The following STK24 variants were observed in gnomAD, a reference collection of about 807,000 sequenced individuals.
STK24 encodes the protein serine/threonine-protein kinase 24.
Under a neutral mutation model 55.6 loss-of-function variants are expected in STK24, and 21 were observed. The ratio of observed to expected loss-of-function variants is 0.38; its 90% CI spans 0.27 to 0.54. STK24 has a LOEUF of 0.54. Among genes scored for constraint, STK24 ranks in the 20% least tolerant of loss-of-function variants. The pLI, the probability that STK24 is intolerant of heterozygous loss-of-function variation, is 0.79. For synonymous variants in STK24, 200 were observed against 215.2 expected (o/e 0.93, Z 0.62); for missense variants, 383 against 538.4 (o/e 0.71, Z 2.86).
chr13:98,565,063 A>G (rs1186022992), intron 1 of STK24, among the ~76,000 whole-genome samples: 1 of 152,232 alleles, frequency 6.6e-6, no homozygotes, highest in Non-Finnish European at 1.5e-5. Context: ...CATAGGCTGC[A>G]AGCACTGATT....
At chr13:98,549,663 C>T (rs1307492394) in intron 1 of STK24, among the ~76,000 whole-genome samples, 1 of 152,156 alleles carries the variant, frequency 6.6e-6, no homozygotes, top group Non-Finnish European at 1.5e-5. Flanking sequence ...CTCCCTGAGG[C>T]CTCCCCAGCA....
chr13:98,520,337 C>A (rs887578388), intron 1 of STK24, among the ~76,000 whole-genome samples: 1 of 152,164 alleles, frequency 6.6e-6, no homozygotes, highest in African/African-American at 2.4e-5. Context: ...GCCAATGGCA[C>A]CCCGGTGACA....
intron 5 of STK24, 146 bp from the exon 6 acceptor site, chr13:98,466,707 G>A (rs761707131): frequency 1.6e-4 from 148 of 920,038 alleles, no homozygotes; most frequent in Non-Finnish European, 2.0e-4. Flanking sequence ...ATAAGCCCTC[G>A]CTGTAATTTC....
chr13:98,496,918 A>T, intron 2 of STK24, among the ~76,000 whole-genome samples: 1 of 152,338 alleles, frequency 6.6e-6, no homozygotes, highest in South Asian at 2.1e-4. Flanking sequence ...GTCACAAAAC[A>T]GACAGTGAAA....
rs575273503 is a variant in STK24, at chr13:98,561,544, T to C, written c.42+15201A>G. ...TTGCAATGAGCGAAGATCACGTCACTGTACTCCAGCTAGGGCAACAGAGTG... is the reference window on the plus strand; with the variant it reads ...TTGCAATGAGCGAAGATCACGTCACCGTACTCCAGCTAGGGCAACAGAGTG... On this transcript the variant is annotated intron_variant, in intron 1 of 10. Coordinates refer to ENST00000539966, the MANE Select transcript of STK24 (RefSeq NM_001032296.4). Among the ~76,000 whole-genome samples, 45 of 139,378 alleles carry C rather than the reference T, an allele frequency of 3.2e-4. 1 individual carries two copies. In the South Asian group the frequency reaches 1.0e-2, roughly 31 times the overall value. 91.4% of individuals were successfully genotyped at this position (139,378 alleles called of 152,430 possible).
intron 10 of STK24, 111 bp downstream of exon 10, chr13:98,457,057 C>T: frequency 3.8e-6 from 5 of 1,330,944 alleles, no homozygotes; most frequent in Non-Finnish European, 5.1e-6. Flanking sequence ...CTGAGGCCTG[C>T]AAGATAACAG....
At chr13:98,533,254 G>A (rs960822621) in intron 1 of STK24, among the ~76,000 whole-genome samples, 7 of 152,116 alleles carry the variant, frequency 4.6e-5, no homozygotes, top group Non-Finnish European at 8.8e-5. Flanking sequence ...AGCTACTCAG[G>A]AGACTAAAGC....
At chr13:98,564,090 A>T (rs201673395) in intron 1 of STK24, among the ~76,000 whole-genome samples, 1 of 152,368 alleles carries the variant, frequency 6.6e-6, no homozygotes, top group East Asian at 1.9e-4. Flanking sequence ...CTTCTGAATC[A>T]AAAGTCAAAT....
At chr13:98,482,571 G>C (rs1212825780) in intron 2 of STK24, among the ~76,000 whole-genome samples, 2 of 152,210 alleles carry the variant, frequency 1.3e-5, no homozygotes, top group Non-Finnish European at 2.9e-5. Flanking sequence ...GGGCTCCAGG[G>C]CATGCGTTCC....
At chr13:98,535,765 C>G (rs1421572165) in intron 1 of STK24, among the ~76,000 whole-genome samples, 1 of 152,220 alleles carries the variant, frequency 6.6e-6, no homozygotes, top group Non-Finnish European at 1.5e-5. Flanking sequence ...GGGTCATTCT[C>G]TGGACTGCAA....
At chr13:98,472,336 G>C (rs144996448) in intron 5 of STK24, among the ~76,000 whole-genome samples, 28 of 152,304 alleles carry the variant, frequency 1.8e-4, no homozygotes, top group African/African-American at 5.1e-4. Context: ...CCAGTTCAGA[G>C]TTGGAACTGG....
At position 98,446,427 on chromosome 13, in the gene STK24, C is replaced by A; in HGVS notation, c.*6746G>T. The A allele has an allele frequency of 1.7e-6, 1 of 602,998 alleles. No individual in the cohort carries two copies. The highest frequency in any genetic ancestry group is 2.9e-6 in the Non-Finnish European group (1 of 340,294). The allele number at this position is 602,998 out of a possible 1,614,324, so 37.4% of individuals were successfully genotyped here. On this transcript the variant is annotated 3_prime_UTR_variant, in exon 11 of 11. Transcript: ENST00000539966. ...ACAACTTCTGCCCTAGGAAGGGCCA[C>A]CTGTCTTCTGCCTGGACAAGGGACG...
chr13:98,567,222 G>A (rs1897605093), intron 1 of STK24, among the ~76,000 whole-genome samples: 1 of 152,220 alleles, frequency 6.6e-6, no homozygotes, highest in Non-Finnish European at 1.5e-5. Context: ...AGACACCACT[G>A]ACTCTGCAAC....
chr13:98,553,616 T>C (rs1057319224), intron 1 of STK24: 1 of 153,416 alleles, frequency 6.5e-6, no homozygotes, highest in Non-Finnish European at 1.5e-5. Flanking sequence ...GCACAGAGAC[T>C]GGGAGGGATG....
At chr13:98,491,015 G>A (rs1229497786) in intron 2 of STK24, among the ~76,000 whole-genome samples, 1 of 149,264 alleles carries the variant, frequency 6.7e-6, no homozygotes, top group African/African-American at 2.6e-5. Context: ...CAGAAAGCCG[G>A]GGGAGCTGTC....
chr13:98,519,877 C>G (rs1301168124), intron 1 of STK24, among the ~76,000 whole-genome samples: 1 of 152,120 alleles, frequency 6.6e-6, no homozygotes, highest in Non-Finnish European at 1.5e-5. Flanking sequence ...CCCAAAAGTT[C>G]CTGAATTCAA....
At chr13:98,503,959 C>CT (rs1487988863) in intron 2 of STK24, among the ~76,000 whole-genome samples, 2 of 152,162 alleles carry the variant, frequency 1.3e-5, no homozygotes, top group African/African-American at 2.4e-5. Context: ...CCTCCACCTC[C>CT]TACACCTGCG....
intron 8 of STK24, among the ~76,000 whole-genome samples, chr13:98,461,051 A>G (rs1238890821): frequency 2.3e-5 from 3 of 130,816 alleles, no homozygotes; most frequent in Non-Finnish European, 3.5e-5. Context: ...CTCAAAAAAA[A>G]AAAAGAGAGA....
intron 2 of STK24, among the ~76,000 whole-genome samples, chr13:98,492,182 G>T (rs559799184): frequency 6.6e-6 from 1 of 152,030 alleles, no homozygotes; most frequent in African/African-American, 2.4e-5. Context: ...GAAGGAACTG[G>T]TAATTTTAGC....
Sources: gnomAD v4.1 joint callset for allele counts (sites outside exome capture counted in the v4.1 genomes callset) on GRCh38, gnomAD v4.1.1 for gene constraint, MANE v1.5 for transcripts, NCBI Gene and HGNC (gene_info 2026-07-23, HGNC 2026-07-21) for gene names.